VRK3: variants seen among roughly 807,000 people sequenced by gnomAD.
VRK3 encodes the protein serine/threonine-protein kinase VRK3.
A neutral mutation model predicts 60.4 loss-of-function variants in VRK3; 50 were observed. That is an observed-to-expected ratio of 0.83 (90% CI 0.66 to 1.05). The LOEUF (loss-of-function observed/expected upper bound fraction) is 1.05, where lower values mean the gene tolerates loss of function less well. VRK3 is among the 50% of genes least tolerant of loss of function. The pLI, the probability that VRK3 is intolerant of heterozygous loss-of-function variation, is 0.00. For synonymous variants in VRK3, 246 were observed against 227.8 expected (o/e 1.08, Z -0.72); for missense variants, 549 against 585.3 (o/e 0.94, Z 0.64).
At chr19:49,982,781 C>T (rs1643824707) in intron 12 of VRK3, among the ~76,000 whole-genome samples, 1 of 152,182 alleles carries the variant, frequency 6.6e-6, no homozygotes. Flanking sequence ...ATGTATAACA[C>T]AAACACATGC....
chr19:50,000,663 C>G (rs1364234384), intron 6 of VRK3, 127 bp downstream of exon 6: 2 of 1,127,150 alleles, frequency 1.8e-6, no homozygotes, highest in Non-Finnish European at 2.6e-6. Context: ...GGTCTTAATA[C>G]TCCTTGCAGG....
rs1293278327 is a variant in VRK3 at position 49,992,953 on chromosome 19, C to T, written c.871-1G>A. 1 of 1,611,246 alleles carries T rather than the reference C, an allele frequency of 6.2e-7. No individual in the cohort carries two copies. The highest frequency in any genetic ancestry group is 1.7e-5 in the Admixed American group (1 of 60,024). On this transcript the variant is annotated splice_acceptor_variant, in intron 9 of 14. Transcript: ENST00000316763. LOFTEE classifies it high-confidence loss of function. ...CATGGAGGAACTCCAGGGCATCCAG[C>T]TGGGGGAAGAAGCAAGTCAGTGTCT... is the stretch of plus-strand genomic sequence containing the variant.
At chr19:49,981,173 A>C (rs969150589) in intron 12 of VRK3, 160 bp from the exon 13 acceptor site, 3 of 680,560 alleles carry the variant, frequency 4.4e-6, no homozygotes, top group African/African-American at 1.8e-5. Flanking sequence ...CACTGAATCA[A>C]CCAATCCACT....
chr19:49,979,280 G>T (rs757085369), intron 13 of VRK3, 38 bp from the exon 14 acceptor site: 24 of 1,613,702 alleles, frequency 1.5e-5, no homozygotes, highest in Non-Finnish European at 2.0e-5. Context: ...GAGAGCCTGA[G>T]AGGCATCCCC....
rs754441472 is a variant in VRK3, at chr19:50,016,030, A to G, written c.133T>C (p.Phe45Leu). ...QTFVNPHVSS[F>L]QGSKRGLNSS... Reference sequence around the variant, plus strand: ...TCAATGCTCTGGTTCTTACCTTGGAAGGATGACACATGTGGATTGACAAAG... The same window carrying G: ...TCAATGCTCTGGTTCTTACCTTGGAGGGATGACACATGTGGATTGACAAAG... Residue 45 changes from phenylalanine (F) to leucine (L), a missense_variant, in exon 3 of 15, where the codon TTC (phenylalanine) becomes CTC (leucine). Coordinates refer to ENST00000316763, the MANE Select transcript of VRK3 (RefSeq NM_016440.4). The G allele has an allele frequency of 1.2e-6, 2 of 1,614,190 alleles. No homozygotes were observed. The highest frequency in any genetic ancestry group is 2.2e-5 in the South Asian group (2 of 91,076).
intron 2 of VRK3, 87 bp from the exon 3 acceptor site, chr19:50,016,250 T>A: frequency 6.4e-7 from 1 of 1,558,990 alleles, no homozygotes; most frequent in East Asian, 2.3e-5. Context: ...AATCACAGGG[T>A]GAGTGGCAGG....
At chr19:49,977,454 C>G (rs1443707659) in intron 14 of VRK3, among the ~76,000 whole-genome samples, 1 of 152,054 alleles carries the variant, frequency 6.6e-6, no homozygotes, top group African/African-American at 2.4e-5. Context: ...GTTCTAAATG[C>G]CCTTTGCCCT....
chr19:49,990,269 AATG>A (rs1379730838), intron 10 of VRK3, among the ~76,000 whole-genome samples: 25 of 152,336 alleles, frequency 1.6e-4, no homozygotes, highest in Admixed American at 1.4e-3. Flanking sequence ...CCATTTGTAA[AATG>A]ATGATAATAA....
chr19:50,023,740 G>A (rs2077209785), intron 1 of VRK3, among the ~76,000 whole-genome samples: 1 of 76,316 alleles, frequency 1.3e-5, no homozygotes, highest in African/African-American at 9.3e-5. Flanking sequence ...GAAGGTGGGT[G>A]GGGGGGGTCC....
chr19:50,018,816 T>C (rs1394682703), intron 2 of VRK3, among the ~76,000 whole-genome samples: 1 of 152,078 alleles, frequency 6.6e-6, no homozygotes, highest in Non-Finnish European at 1.5e-5. Context: ...CAAGACCAAA[T>C]TGCCTAGATG....
chr19:50,003,890 T>C (rs2076850880), intron 5 of VRK3, among the ~76,000 whole-genome samples: 1 of 152,154 alleles, frequency 6.6e-6, no homozygotes, highest in Non-Finnish European at 1.5e-5. Context: ...ACACATGAAA[T>C]GGTAGGTGCT....
chr19:49,998,974 A>AAAAAAAAAAAC (rs2076752587), intron 6 of VRK3: 1 of 149,986 alleles, frequency 6.7e-6, no homozygotes, highest in Non-Finnish European at 1.5e-5. Flanking sequence ...AAAAAAAAAA[A>AAAAAAAAAAAC]AAGCTGGACG....
At chr19:50,007,002 G>A (rs985526431) in intron 5 of VRK3, among the ~76,000 whole-genome samples, 2 of 151,950 alleles carry the variant, frequency 1.3e-5, no homozygotes, top group Non-Finnish European at 2.9e-5. Flanking sequence ...CAGAAACCCT[G>A]AGCCCAGCCC....
chr19:49,997,479 C>T (rs774698413), intron 7 of VRK3, 25 bp downstream of exon 7: 2 of 1,612,932 alleles, frequency 1.2e-6, no homozygotes, highest in Non-Finnish European at 1.7e-6. Flanking sequence ...ACTCTCCCCT[C>T]CTTGCCCAGT....
chr19:49,995,295 G>C lies in VRK3; in HGVS notation c.680-20C>G, dbSNP rs9304698. 1 of 1,612,978 alleles carries C rather than the reference G, an allele frequency of 6.2e-7. No individual in the cohort carries two copies. The highest frequency in any genetic ancestry group is 2.2e-5 in the East Asian group (1 of 44,882). Reference sequence around the variant, plus strand: ...TGTTGACTGCGGAAAGCAGGGGCTTGAGGTTAGAACCCACCCAGTCCCAAG... The same window carrying C: ...TGTTGACTGCGGAAAGCAGGGGCTTCAGGTTAGAACCCACCCAGTCCCAAG... On this transcript the variant is annotated intron_variant, in intron 7 of 14. Coordinates refer to ENST00000316763, the MANE Select transcript of VRK3 (RefSeq NM_016440.4).
At chr19:49,985,418 T>A (rs2076494728) in intron 12 of VRK3, among the ~76,000 whole-genome samples, 1 of 152,248 alleles carries the variant, frequency 6.6e-6, no homozygotes, top group Non-Finnish European at 1.5e-5. Flanking sequence ...CTCTTCCTCT[T>A]TCCGCAGGGA....
chr19:49,977,408 A>T (rs2076348974), intron 14 of VRK3, among the ~76,000 whole-genome samples: 1 of 152,052 alleles, frequency 6.6e-6, no homozygotes, highest in Non-Finnish European at 1.5e-5. Context: ...CGTGGGTGTG[A>T]GACGGTGGAG....
chr19:50,012,075 G>A (rs149307767), intron 3 of VRK3, among the ~76,000 whole-genome samples: 3,080 of 151,820 alleles, frequency 0.02, 103 homozygotes, highest in African/African-American at 0.071. Context: ...GGGTTCAAGC[G>A]ATTCTCCTGC....
chr19:50,008,046 A>G (rs1410173543), intron 4 of VRK3, among the ~76,000 whole-genome samples: 3 of 152,224 alleles, frequency 2.0e-5, no homozygotes, highest in African/African-American at 7.2e-5. Context: ...TTTGGTGGGC[A>G]AGTCTGCTCT....
Sources: gnomAD v4.1 joint callset for allele counts (sites outside exome capture counted in the v4.1 genomes callset) on GRCh38, gnomAD v4.1.1 for gene constraint, MANE v1.5 for transcripts, NCBI Gene and HGNC (gene_info 2026-07-23, HGNC 2026-07-21) for gene names.